Variants in RGS20 observed in about 807,000 individuals in gnomAD.
The protein encoded by RGS20 is regulator of G protein signaling 20.
Under a neutral mutation model 33.6 loss-of-function variants are expected in RGS20, and 30 were observed. That is an observed-to-expected ratio of 0.89 (90% CI 0.67 to 1.21). The LOEUF is 1.21. RGS20 is among the 50% of genes most tolerant of loss of function. The pLI is 0.00. For synonymous variants in RGS20, 208 were observed against 197.9 expected (o/e 1.05, Z -0.43); for missense variants, 472 against 502.4 (o/e 0.94, Z 0.58).
chr8:53,867,463 C>A (rs765063731), intron 1 of RGS20, among the ~76,000 whole-genome samples: 20 of 152,082 alleles, frequency 1.3e-4, no homozygotes, highest in Non-Finnish European at 2.4e-4. Context: ...TACAGACTAA[C>A]AATATTCTGT....
At chr8:53,918,102 C>A (rs780764070) in intron 2 of RGS20, among the ~76,000 whole-genome samples, 1 of 152,172 alleles carries the variant, frequency 6.6e-6, no homozygotes, top group Non-Finnish European at 1.5e-5. Context: ...AAATCATACA[C>A]CGTAAGGCTC....
chr8:53,919,410 C>T (rs1306322695), intron 2 of RGS20, among the ~76,000 whole-genome samples: 2 of 150,270 alleles, frequency 1.3e-5, no homozygotes, highest in East Asian at 2.0e-4. Flanking sequence ...GGCACAATCT[C>T]GGCTCACTGC....
chr8:53,957,477 T>C (rs1024641914), intron 5 of RGS20, among the ~76,000 whole-genome samples: 8 of 152,190 alleles, frequency 5.3e-5, no homozygotes, highest in Non-Finnish European at 8.8e-5. Flanking sequence ...AACTTCCACT[T>C]CACCCCTGTG....
intron 4 of RGS20, 63 bp from the exon 4 acceptor site, chr8:53,954,013 T>C: frequency 3.7e-6 from 4 of 1,091,684 alleles, no homozygotes; most frequent in Non-Finnish European, 5.7e-6. Context: ...TTCCTAATGA[T>C]GAATTCCAAT....
At chr8:53,875,460 C>A (rs79693673) in intron 1 of RGS20, among the ~76,000 whole-genome samples, 1,957 of 144,450 alleles carry the variant, frequency 0.014, 12 homozygotes, top group Non-Finnish European at 0.018. Context: ...ACCAAAAAAA[C>A]CAAAAAAACT....
chr8:53,922,054 T>A (rs1207570823), intron 2 of RGS20, among the ~76,000 whole-genome samples: 1 of 152,156 alleles, frequency 6.6e-6, no homozygotes, highest in Non-Finnish European at 1.5e-5. Flanking sequence ...TTCATATGCT[T>A]GTTGATCTTC....
intron 2 of RGS20, among the ~76,000 whole-genome samples, chr8:53,921,904 T>A (rs2129286571): frequency 6.6e-6 from 1 of 152,302 alleles, no homozygotes; most frequent in African/African-American, 2.4e-5. Flanking sequence ...CTGTTGAGGC[T>A]GTTTTACGGC....
rs575701932 is a variant in RGS20 at position 53,856,641 on chromosome 8, C to A, written c.165+4577C>A. Among the ~76,000 whole-genome samples, 15 of 152,298 alleles carry A rather than the reference C, an allele frequency of 9.8e-5. No individual in the cohort carries two copies. The South Asian group carries it at 3.1e-3, about 32-fold the overall frequency. On this transcript the variant is annotated intron_variant, in intron 1 of 5. Transcript: ENST00000297313. ...GACAATCGACATGAGGAAGAGAAAG[C>A]ATTACAGCTGCTCTAGTGATAAGTC...
chr8:53,853,906 AG>A lies in RGS20; in HGVS notation c.165+1843del, dbSNP rs538925085. ...TGGGGTAAGACAATTGAAGAAGCCC[AG>A]TGTTAGAGTGAAAGCAGTGAAATCT... On this transcript the variant is annotated intron_variant, in intron 1 of 5. Transcript: ENST00000297313. Among the ~76,000 whole-genome samples the A allele has an allele frequency of 1.8e-4, 28 of 152,338 alleles. 1 individual carries two copies. The South Asian group carries it at 5.8e-3, about 32-fold the overall frequency.
At chr8:53,909,096 A>C (rs1296454861) in intron 2 of RGS20, among the ~76,000 whole-genome samples, 1 of 149,426 alleles carries the variant, frequency 6.7e-6, no homozygotes, top group African/African-American at 2.5e-5. Flanking sequence ...AGATACTATT[A>C]TTTTCCTGAT....
At chr8:53,857,725 G>C (rs994139403) in intron 1 of RGS20, among the ~76,000 whole-genome samples, 6 of 152,106 alleles carry the variant, frequency 3.9e-5, no homozygotes, top group Non-Finnish European at 8.8e-5. Flanking sequence ...TTTCAGATTT[G>C]GATTTTTAGA....
At chr8:53,857,131 G>A (rs749755234) in intron 1 of RGS20, among the ~76,000 whole-genome samples, 2 of 152,208 alleles carry the variant, frequency 1.3e-5, no homozygotes, top group African/African-American at 2.4e-5. Flanking sequence ...TCCTGAAGGC[G>A]CTCCAAAAAT....
At chr8:53,852,263 A>C (rs1379313220) in intron 1 of RGS20, among the ~76,000 whole-genome samples, 2 of 152,220 alleles carry the variant, frequency 1.3e-5, no homozygotes. Context: ...TCTCCAATCT[A>C]AACAGATTCC....
chr8:53,942,759 CAGA>C (rs536612646), intron 3 of RGS20, among the ~76,000 whole-genome samples: 58 of 150,110 alleles, frequency 3.9e-4, no homozygotes, highest in Non-Finnish European at 7.1e-4. Context: ...GAGGCCAAGG[CAGA>C]AGGATTGTTT....
chr8:53,922,165 G>C (rs1247991874), intron 2 of RGS20, among the ~76,000 whole-genome samples: 1 of 151,990 alleles, frequency 6.6e-6, no homozygotes, highest in Non-Finnish European at 1.5e-5. Flanking sequence ...AGTTTTTGCT[G>C]TATGTATTTT....
chr8:53,909,227 A>AC (rs1813276453), intron 2 of RGS20, among the ~76,000 whole-genome samples: 1 of 123,938 alleles, frequency 8.1e-6, no homozygotes, highest in African/African-American at 3.3e-5. Context: ...ATATATATAT[A>AC]TATATATATA....
At chr8:53,910,568 C>T (rs1469595004) in intron 2 of RGS20, among the ~76,000 whole-genome samples, 1 of 152,164 alleles carries the variant, frequency 6.6e-6, no homozygotes, top group East Asian at 1.9e-4. Flanking sequence ...CATGCACTTA[C>T]TATGTGACCC....
chr8:53,889,692 A>G (rs952962232), intron 2 of RGS20, among the ~76,000 whole-genome samples: 2 of 149,780 alleles, frequency 1.3e-5, no homozygotes, highest in Non-Finnish European at 3.0e-5. Flanking sequence ...AGTTCTTTAT[A>G]TATTCTGGAT....
intron 2 of RGS20, among the ~76,000 whole-genome samples, chr8:53,938,979 T>C (rs931908384): frequency 6.6e-6 from 1 of 152,192 alleles, no homozygotes; most frequent in Non-Finnish European, 1.5e-5. Context: ...GCAATTGCTC[T>C]GTACCAGGCG....
Sources: allele counts gnomAD v4.1 joint callset (sites outside exome capture counted in the v4.1 genomes callset), GRCh38; gene constraint gnomAD v4.1.1; transcripts MANE v1.5; gene names NCBI Gene and HGNC (gene_info 2026-07-23, HGNC 2026-07-21).